The following ARHGAP24 variants were observed in gnomAD, a reference collection of about 807,000 sequenced individuals.
The protein encoded by ARHGAP24 is rho GTPase-activating protein 24.
In ARHGAP24, 50 loss-of-function variants were observed where a neutral mutation model predicts 76.4. That is an observed-to-expected ratio of 0.65 (90% CI 0.52 to 0.83). The LOEUF (loss-of-function observed/expected upper bound fraction) is 0.83. ARHGAP24 is among the 40% of genes least tolerant of loss of function. The pLI is 0.00. For missense variants in ARHGAP24, 930 were observed against 914.2 expected, an observed-to-expected ratio of 1.02 and a Z score of -0.22; for synonymous variants, 345 against 323.3, an observed-to-expected ratio of 1.07 and a Z score of -0.72.
chr4:85,735,072 CT>C (rs1284999369), intron 3 of ARHGAP24, among the ~76,000 whole-genome samples: 3 of 152,026 alleles, frequency 2.0e-5, no homozygotes, highest in Non-Finnish European at 4.4e-5. Context: ...CCACTCCCAC[CT>C]TTTCAGGAAC....
At chr4:85,666,909 G>A (rs563004369) in intron 2 of ARHGAP24, among the ~76,000 whole-genome samples, 16 of 152,268 alleles carry the variant, frequency 1.1e-4, no homozygotes, top group Admixed American at 6.5e-4. Context: ...GCCCATACTG[G>A]GGGGTACCTC....
intron 8 of ARHGAP24, among the ~76,000 whole-genome samples, chr4:85,979,415 A>G (rs1739520478): frequency 1.3e-5 from 2 of 152,060 alleles, no homozygotes; most frequent in South Asian, 4.1e-4. Context: ...TGCAGCCATC[A>G]CCGCCATCCA....
intron 2 of ARHGAP24, among the ~76,000 whole-genome samples, chr4:85,616,871 G>A (rs1348673266): frequency 7.2e-5 from 11 of 151,892 alleles, no homozygotes; most frequent in African/African-American, 9.7e-5. Flanking sequence ...TGGATGATCC[G>A]CCCACCTTGG....
At chr4:85,683,131 G>A (rs933738967) in intron 2 of ARHGAP24, among the ~76,000 whole-genome samples, 5 of 129,782 alleles carry the variant, frequency 3.9e-5, no homozygotes, top group African/African-American at 1.1e-4. Context: ...GGGGGGGTGC[G>A]GGGGCTGTAA....
At chr4:85,668,035 T>C (rs576014576) in intron 2 of ARHGAP24, among the ~76,000 whole-genome samples, 1 of 152,328 alleles carries the variant, frequency 6.6e-6, no homozygotes, top group African/African-American at 2.4e-5. Context: ...GTAGAAAAGT[T>C]AGACATTTCA....
chr4:85,838,335 C>A (rs11942119), intron 3 of ARHGAP24, among the ~76,000 whole-genome samples: 15,265 of 152,178 alleles, frequency 0.1, 1,143 homozygotes, highest in East Asian at 0.29. Flanking sequence ...CGGTGGCTCA[C>A]GCCTGTAATC....
chr4:85,741,409 A>G (rs1725822805), intron 3 of ARHGAP24, among the ~76,000 whole-genome samples: 1 of 152,218 alleles, frequency 6.6e-6, no homozygotes, highest in South Asian at 2.1e-4. Context: ...TTTTGTTTTC[A>G]TTTTCAGAAA....
chr4:85,917,096 TG>T (rs1735450792), intron 3 of ARHGAP24, among the ~76,000 whole-genome samples: 1 of 152,076 alleles, frequency 6.6e-6, no homozygotes, highest in Non-Finnish European at 1.5e-5. Context: ...CAAAGTGTGA[TG>T]TTCCCCTTCC....
chr4:85,778,809 C>A (rs762727735), intron 3 of ARHGAP24: 9 of 985,244 alleles, frequency 9.1e-6, no homozygotes, highest in Non-Finnish European at 1.1e-5. Context: ...TAGCTACCAC[C>A]GCTTTGAAAG....
intron 3 of ARHGAP24, among the ~76,000 whole-genome samples, chr4:85,866,646 C>T (rs1192454360): frequency 6.6e-6 from 1 of 152,130 alleles, no homozygotes; most frequent in African/African-American, 2.4e-5. Context: ...CTGTTCACCT[C>T]TCCTGAGGCA....
chr4:85,773,601 T>G (rs2110080043), intron 3 of ARHGAP24, among the ~76,000 whole-genome samples: 1 of 152,284 alleles, frequency 6.6e-6, no homozygotes, highest in East Asian at 1.9e-4. Flanking sequence ...TGTAAAGCAG[T>G]GCTTACCTCC....
At chr4:85,562,825 T>C (rs371229287) in intron 1 of ARHGAP24, among the ~76,000 whole-genome samples, 4 of 152,284 alleles carry the variant, frequency 2.6e-5, no homozygotes, top group African/African-American at 9.6e-5. Context: ...ACAATAGGCT[T>C]TGCCACATTT....
In ARHGAP24 at chr4:85,994,811, G is replaced by A; in HGVS notation, c.1157G>A (p.Ser386Asn). ...AAGTCTGAGTCACCCCAGAGAAGCAGCATGAACAATGGATCCCCCACAGCT... is the reference window on the plus strand; with the variant it reads ...AAGTCTGAGTCACCCCAGAGAAGCAACATGAACAATGGATCCCCCACAGCT... Reference protein sequence around the residue: ...WDKSESPQRSSMNNGSPTALS... With the variant: ...WDKSESPQRSNMNNGSPTALS... The change falls in exon 9 of 10, where the codon AGC becomes AAC. Residue 386 changes from serine (S) to asparagine (N), a missense_variant. By Grantham distance (46) the Ser-to-Asn change is conservative. Transcript: ENST00000395184. 3 of 1,614,146 alleles carry A rather than the reference G, an allele frequency of 1.9e-6. No homozygotes were observed. The highest frequency in any genetic ancestry group is 3.3e-4 in the Middle Eastern group (2 of 6,062).
At chr4:85,581,320 A>G (rs1248289347) in intron 2 of ARHGAP24, among the ~76,000 whole-genome samples, 3 of 152,166 alleles carry the variant, frequency 2.0e-5, no homozygotes, top group African/African-American at 7.2e-5. Flanking sequence ...AATTCTATTT[A>G]TTAGCAGAAT....
At chr4:85,496,817 A>G (rs1474371957) in intron 1 of ARHGAP24, among the ~76,000 whole-genome samples, 2 of 152,258 alleles carry the variant, frequency 1.3e-5, no homozygotes, top group Admixed American at 1.3e-4. Flanking sequence ...CCTTTTGGGA[A>G]ATTAATATTA....
At chr4:85,786,253 C>T (rs899856040) in intron 3 of ARHGAP24, among the ~76,000 whole-genome samples, 2 of 151,672 alleles carry the variant, frequency 1.3e-5, no homozygotes, top group African/African-American at 4.8e-5. Context: ...ATACTGGCAA[C>T]TTCTTGGAGT....
chr4:85,820,983 T>A (rs1329179197), intron 3 of ARHGAP24, among the ~76,000 whole-genome samples: 1 of 152,116 alleles, frequency 6.6e-6, no homozygotes, highest in Non-Finnish European at 1.5e-5. Flanking sequence ...ATTTTATTTG[T>A]CTATTTTACA....
intron 8 of ARHGAP24, chr4:85,992,186 T>A (rs946089308): frequency 2.8e-4 from 111 of 397,352 alleles, no homozygotes; most frequent in Non-Finnish European, 3.5e-4. Flanking sequence ...TGACAGGGAA[T>A]CAAAAGGAAA....
chr4:85,888,897 T>C (rs938684645), intron 3 of ARHGAP24, among the ~76,000 whole-genome samples: 1 of 152,220 alleles, frequency 6.6e-6, no homozygotes, highest in African/African-American at 2.4e-5. Context: ...GTTCTCATGT[T>C]AGTTTGCTAA....
Sources: gnomAD v4.1 joint callset for allele counts (sites outside exome capture counted in the v4.1 genomes callset) on GRCh38, gnomAD v4.1.1 for gene constraint, MANE v1.5 for transcripts, NCBI Gene and HGNC (gene_info 2026-07-23, HGNC 2026-07-21) for gene names.